ITGA2: variants seen among roughly 807,000 people sequenced by gnomAD.
ITGA2 encodes integrin alpha-2.
ITGA2 carries 101 observed loss-of-function variants against 146.3 expected under a neutral mutation model. That is an observed-to-expected ratio of 0.69 (90% CI 0.59 to 0.81). The LOEUF (loss-of-function observed/expected upper bound fraction) is 0.81, where lower values mean the gene tolerates loss of function less well. ITGA2 is among the 40% of genes least tolerant of loss of function. The pLI is 0.00. For synonymous variants in ITGA2, 477 were observed against 487.1 expected (o/e 0.98, Z 0.27); for missense variants, 1,281 against 1,402.7 (o/e 0.91, Z 1.39).
At chr5:53,090,394 C>T in intron 29 of ITGA2, 125 bp from the exon 30 acceptor site, 1 of 797,154 alleles carries the variant, frequency 1.3e-6, no homozygotes, top group East Asian at 2.6e-5. Flanking sequence ...TCAGTCTGCA[C>T]ACCTCCCTTC....
chr5:53,083,314 T>G (rs761928479), intron 26 of ITGA2, 26 bp from the exon 27 acceptor site: 1 of 1,423,570 alleles, frequency 7.0e-7, no homozygotes, highest in Non-Finnish European at 9.9e-7. Flanking sequence ...TTGCTCTCTC[T>G]TTTACCTTTG....
intron 1 of ITGA2, among the ~76,000 whole-genome samples, chr5:53,003,234 TTTCCACAC>T (rs1246343790): frequency 6.6e-6 from 1 of 152,182 alleles, no homozygotes; most frequent in Non-Finnish European, 1.5e-5. Context: ...CTAGTTAAAA[TTTCCACAC>T]TTCCATGGGT....
chr5:53,041,330 A>ACACC (rs1743789544), intron 2 of ITGA2, among the ~76,000 whole-genome samples: 1 of 152,156 alleles, frequency 6.6e-6, no homozygotes, highest in South Asian at 2.1e-4. Flanking sequence ...AAGGATGTAA[A>ACACC]CACCAATCTC....
intron 7 of ITGA2, among the ~76,000 whole-genome samples, chr5:53,052,312 T>A (rs1317079862): frequency 6.6e-6 from 1 of 152,082 alleles, no homozygotes; most frequent in Non-Finnish European, 1.5e-5. Flanking sequence ...GTGCTCTCAT[T>A]GTTCAGCTCC....
chr5:53,040,460 G>A (rs780634277), intron 2 of ITGA2, among the ~76,000 whole-genome samples: 9 of 152,124 alleles, frequency 5.9e-5, no homozygotes, highest in Admixed American at 1.3e-4. Context: ...GCTCAAACAC[G>A]CGTTCCAATT....
At chr5:53,062,001 C>A (rs908948616) in intron 12 of ITGA2, among the ~76,000 whole-genome samples, 1 of 151,764 alleles carries the variant, frequency 6.6e-6, no homozygotes, top group Admixed American at 6.6e-5. Context: ...TGGAAGGAAT[C>A]ATTTCTTAGT....
chr5:53,019,998 A>G (rs762649887), intron 1 of ITGA2, among the ~76,000 whole-genome samples: 1 of 152,166 alleles, frequency 6.6e-6, no homozygotes, highest in South Asian at 2.1e-4. Context: ...AACAGTATAT[A>G]CCATATAGGG....
chr5:53,087,191 T>G lies in ITGA2; in HGVS notation c.3348+150T>G. On this transcript the variant is annotated intron_variant, in intron 28 of 29. Coordinates refer to ENST00000296585, the MANE Select transcript of ITGA2 (RefSeq NM_002203.4). Reference sequence around the variant, plus strand: ...ATCTGATGTTTATTATGTTGAGATTTTGGCGAGGGTGTGTGCTACTTAAAA... The same window carrying G: ...ATCTGATGTTTATTATGTTGAGATTGTGGCGAGGGTGTGTGCTACTTAAAA... 5.7e-6 allele frequency: 4 copies of G among 699,862 alleles called. No individual in the cohort carries two copies. The South Asian group carries it at 6.2e-5, about 11-fold the overall frequency. The allele number at this position is 699,862 out of a possible 1,614,324, so 43.4% of individuals were successfully genotyped here.
intron 28 of ITGA2, 92 bp downstream of exon 28, chr5:53,087,133 T>G (rs1030322513): frequency 5.9e-6 from 5 of 853,582 alleles, no homozygotes; most frequent in Non-Finnish European, 9.9e-6. Flanking sequence ...CTTACCTACA[T>G]GTATGTAGAA....
chr5:53,040,350 T>A (rs1438451776), intron 2 of ITGA2, among the ~76,000 whole-genome samples: 2 of 152,174 alleles, frequency 1.3e-5, no homozygotes, highest in Non-Finnish European at 2.9e-5. Flanking sequence ...CCTGTACAGA[T>A]GGAGAAAATC....
chr5:53,061,119 A>C, intron 12 of ITGA2, 73 bp downstream of exon 12: 1 of 1,446,850 alleles, frequency 6.9e-7, no homozygotes, highest in Non-Finnish European at 9.7e-7. Flanking sequence ...GGTGAACAGA[A>C]ATGGAAAACA....
At chr5:53,058,580 T>C (rs1744750516) in intron 10 of ITGA2, among the ~76,000 whole-genome samples, 1 of 151,834 alleles carries the variant, frequency 6.6e-6, no homozygotes, top group Admixed American at 6.6e-5. Context: ...ACACTGTCTT[T>C]TCAGCTCGGG....
At chr5:53,068,815 C>T (rs1745259490) in intron 16 of ITGA2, among the ~76,000 whole-genome samples, 1 of 150,392 alleles carries the variant, frequency 6.6e-6, no homozygotes, top group Non-Finnish European at 1.5e-5. Flanking sequence ...GCACACTTCA[C>T]TTTAAGATTA....
intron 20 of ITGA2, among the ~76,000 whole-genome samples, chr5:53,073,963 A>C (rs1403912228): frequency 6.8e-6 from 1 of 147,898 alleles, no homozygotes; most frequent in African/African-American, 2.5e-5. Context: ...AAAAAAAAAA[A>C]AAACCCTCAA....
intron 1 of ITGA2, among the ~76,000 whole-genome samples, chr5:52,995,441 T>A (rs1314686127): frequency 6.6e-6 from 1 of 151,598 alleles, no homozygotes; most frequent in Non-Finnish European, 1.5e-5. Flanking sequence ...GGAGGATTTA[T>A]TGGAAAGGCA....
In ITGA2 at chr5:53,094,667, A is replaced by G. The variant is rs1203409406; in HGVS notation, c.*4068A>G. On this transcript the variant is annotated 3_prime_UTR_variant, in exon 30 of 30. Transcript: ENST00000296585. ...TTAGTAGTTTTTCTCATATCCAAGTATAACAAACAGAAAAGTTTCATTATT... is the reference window on the plus strand; with the variant it reads ...TTAGTAGTTTTTCTCATATCCAAGTGTAACAAACAGAAAAGTTTCATTATT... The G allele has an allele frequency of 6.6e-6, 1 of 152,238 alleles. No homozygotes were observed. Among genetic ancestry groups the G allele is most frequent in the Non-Finnish European group, 1.5e-5 (1 of 68,044 alleles). 9.4% of individuals were successfully genotyped at this position (152,238 alleles called of 1,614,324 possible). A position where few individuals can be genotyped will look rare whatever the true frequency, so the allele number is the denominator to read the frequency against.
intron 1 of ITGA2, among the ~76,000 whole-genome samples, chr5:53,025,614 C>G (rs533939358): frequency 1.3e-5 from 2 of 152,324 alleles, no homozygotes; most frequent in South Asian, 2.1e-4. Flanking sequence ...AATGGAAGAG[C>G]AAGCCTTTTT....
At position 53,026,909 on chromosome 5, in the gene ITGA2, A is replaced by G. The variant is rs750463120; in HGVS notation, c.185+41A>G. On this transcript the variant is annotated intron_variant, in intron 2 of 29. Coordinates refer to ENST00000296585, the MANE Select transcript of ITGA2 (RefSeq NM_002203.4). ...TCTTTATGATTTCAGTAAAAATACA[A>G]AATAAATTTCATATTTGACTTCAAT... The G allele has an allele frequency of 4.5e-6, 7 of 1,564,956 alleles. 1 individual carries two copies. The South Asian group carries it at 7.8e-5, about 18-fold the overall frequency.
intron 1 of ITGA2, among the ~76,000 whole-genome samples, chr5:52,992,248 TCTC>T (rs1740997736): frequency 6.6e-6 from 1 of 152,180 alleles, no homozygotes; most frequent in African/African-American, 2.4e-5. Flanking sequence ...TCTCCCGTCA[TCTC>T]CTTCACAGGC....
Sources: allele counts gnomAD v4.1 joint callset (sites outside exome capture counted in the v4.1 genomes callset), GRCh38; gene constraint gnomAD v4.1.1; transcripts MANE v1.5; gene names NCBI Gene and HGNC (gene_info 2026-07-23, HGNC 2026-07-21).